TFG: variants seen among roughly 807,000 people sequenced by gnomAD.
TFG encodes the protein trafficking from ER to golgi regulator.
Under a neutral mutation model 51.4 loss-of-function variants are expected in TFG, and 22 were observed. The ratio of observed to expected loss-of-function variants is 0.43; its 90% CI spans 0.31 to 0.61. The LOEUF (loss-of-function observed/expected upper bound fraction) is 0.61, where lower values mean the gene tolerates loss of function less well. Among genes scored for constraint, TFG ranks in the 20% least tolerant of loss-of-function variants. TFG has a pLI of 0.12. For missense variants in TFG, 419 were observed against 487.7 expected (o/e 0.86, Z 1.33); for synonymous variants, 187 against 165.6 (o/e 1.13, Z -0.99).
At chr3:100,714,320 C>T (rs1357872309) in intron 2 of TFG, among the ~76,000 whole-genome samples, 6 of 151,940 alleles carry the variant, frequency 3.9e-5, no homozygotes, top group African/African-American at 7.2e-5. Context: ...GCCAACATGG[C>T]GAAACCCTGT....
At chr3:100,744,366 T>G (rs181598398) in intron 6 of TFG, 1 of 152,450 alleles carries the variant, frequency 6.6e-6, no homozygotes, top group Admixed American at 6.5e-5. Context: ...ATATAGTTCC[T>G]TGCTACCAAA....
chr3:100,734,386 G>A (rs1008052442), intron 5 of TFG, among the ~76,000 whole-genome samples: 9 of 152,034 alleles, frequency 5.9e-5, no homozygotes, highest in African/African-American at 2.2e-4. Flanking sequence ...TGGACAGAGT[G>A]TATATACCTA....
chr3:100,733,409 A>C (rs890915584), intron 5 of TFG, among the ~76,000 whole-genome samples: 3 of 152,066 alleles, frequency 2.0e-5, no homozygotes, highest in Non-Finnish European at 4.4e-5. Context: ...TCAGCTCTAG[A>C]ATTTCCATTG....
At position 100,715,958 on chromosome 3, in the gene TFG, A is replaced by G. The variant is rs796729574; in HGVS notation, c.184+2089A>G. ...TAAATTTTGTTTTAATTGACAAATA[A>G]TAATTGTACATATTTATGGGGTACA... On this transcript the variant is annotated intron_variant, in intron 2 of 7. Transcript: ENST00000240851. Among the ~76,000 whole-genome samples, 9 of 152,200 alleles carry G rather than the reference A, an allele frequency of 5.9e-5. 1 individual carries two copies. Among genetic ancestry groups the G allele is most frequent in the African/African-American group, 2.2e-4 (9 of 41,540 alleles).
intron 3 of TFG, among the ~76,000 whole-genome samples, chr3:100,721,980 A>C (rs571830968): frequency 2.0e-5 from 3 of 152,292 alleles, no homozygotes; most frequent in Admixed American, 6.5e-5. Flanking sequence ...GTAAAACCCT[A>C]TCTCTACTGA....
intron 6 of TFG, among the ~76,000 whole-genome samples, chr3:100,739,921 T>C (rs888653318): frequency 6.6e-5 from 10 of 152,184 alleles, no homozygotes; most frequent in African/African-American, 2.4e-4. Flanking sequence ...TGTACTGGCT[T>C]GATTACAGCT....
intron 6 of TFG, among the ~76,000 whole-genome samples, chr3:100,738,267 A>G (rs190673048): frequency 1.3e-5 from 2 of 152,364 alleles, no homozygotes; most frequent in Admixed American, 1.3e-4. Flanking sequence ...ACTAGAACAA[A>G]CTAGAACTAA....
intron 4 of TFG, among the ~76,000 whole-genome samples, chr3:100,730,020 G>A (rs540588851): frequency 2.0e-5 from 3 of 152,102 alleles, no homozygotes; most frequent in Non-Finnish European, 4.4e-5. Flanking sequence ...GTCAAAGAAG[G>A]TTGCCTATTC....
intron 3 of TFG, among the ~76,000 whole-genome samples, chr3:100,722,715 A>G (rs1029125931): frequency 6.6e-6 from 1 of 152,218 alleles, no homozygotes; most frequent in African/African-American, 2.4e-5. Context: ...AAAAGACAGT[A>G]TTATCACAGT....
intron 3 of TFG, among the ~76,000 whole-genome samples, chr3:100,720,578 TG>T (rs1194879135): frequency 2.6e-5 from 4 of 152,216 alleles, no homozygotes; most frequent in African/African-American, 9.6e-5. Context: ...CACTCCTATG[TG>T]AATCTAATGC....
chr3:100,728,144 T>A (rs1024664760), intron 3 of TFG, among the ~76,000 whole-genome samples: 25 of 152,134 alleles, frequency 1.6e-4, no homozygotes, highest in African/African-American at 5.8e-4. Context: ...CTGCATATAT[T>A]TTTTTAACGA....
At chr3:100,711,302 C>T (rs1315733281) in intron 1 of TFG, among the ~76,000 whole-genome samples, 1 of 152,122 alleles carries the variant, frequency 6.6e-6, no homozygotes, top group African/African-American at 2.4e-5. Context: ...AGGGTTTCAC[C>T]CTGTTGATCG....
chr3:100,725,277 G>A (rs2095072042), intron 3 of TFG, among the ~76,000 whole-genome samples: 1 of 151,836 alleles, frequency 6.6e-6, no homozygotes. Context: ...TAATATAAAA[G>A]GATTATAAAT....
chr3:100,710,779 G>C (rs1013594985), intron 1 of TFG, among the ~76,000 whole-genome samples: 2 of 152,342 alleles, frequency 1.3e-5, no homozygotes, highest in South Asian at 4.1e-4. Flanking sequence ...GCAAGGACAA[G>C]ATGGGAGAAG....
intron 2 of TFG, among the ~76,000 whole-genome samples, chr3:100,714,977 A>ACACT (rs1328181407): frequency 9.9e-5 from 15 of 152,050 alleles, no homozygotes; most frequent in Non-Finnish European, 5.9e-5. Context: ...TTTTCTCTTT[A>ACACT]GGTGGTTACC....
chr3:100,731,509 A>G (rs1235729957), intron 4 of TFG, among the ~76,000 whole-genome samples: 1 of 152,194 alleles, frequency 6.6e-6, no homozygotes, highest in Non-Finnish European at 1.5e-5. Context: ...GAAAGTAGAC[A>G]TTATAATGAA....
At chr3:100,718,701 GCA>G (rs901301588) in intron 2 of TFG, among the ~76,000 whole-genome samples, 1 of 151,802 alleles carries the variant, frequency 6.6e-6, no homozygotes, top group African/African-American at 2.4e-5. Flanking sequence ...GGAATTATAG[GCA>G]CACACCACCA....
At chr3:100,711,760 A>G (rs1003378083) in intron 1 of TFG, among the ~76,000 whole-genome samples, 1 of 152,178 alleles carries the variant, frequency 6.6e-6, no homozygotes, top group Non-Finnish European at 1.5e-5. Flanking sequence ...TAACAAATAC[A>G]TTGATTTATT....
intron 1 of TFG, 41 bp from the exon 2 acceptor site, chr3:100,713,602 G>T: frequency 1.0e-6 from 1 of 961,646 alleles, no homozygotes; most frequent in Non-Finnish European, 1.5e-6. Flanking sequence ...CAACTTTTAC[G>T]GTATGTTTTG....
Sources: allele counts gnomAD v4.1 joint callset (sites outside exome capture counted in the v4.1 genomes callset), GRCh38; gene constraint gnomAD v4.1.1; transcripts MANE v1.5; gene names NCBI Gene and HGNC (gene_info 2026-07-23, HGNC 2026-07-21).